DLG2: variants seen among roughly 807,000 people sequenced by gnomAD.
DLG2 encodes disks large homolog 2.
Under a neutral mutation model 132.5 loss-of-function variants are expected in DLG2, and 45 were observed. That is an observed-to-expected ratio of 0.34 (90% CI 0.27 to 0.44). The LOEUF is 0.44. Ranked by LOEUF, DLG2 falls within the 20% of genes least tolerant of loss-of-function variation. The pLI, the probability that DLG2 is intolerant of heterozygous loss-of-function variation, is 1.00. For missense variants in DLG2, 1,045 were observed against 1,196.9 expected (o/e 0.87, Z 1.87); for synonymous variants, 424 against 419.6 (o/e 1.01, Z -0.13).
At chr11:83,660,923 C>T (rs1380956562) in intron 18 of DLG2, among the ~76,000 whole-genome samples, 1 of 152,124 alleles carries the variant, frequency 6.6e-6, no homozygotes, top group African/African-American at 2.4e-5. Context: ...ATATCCACAA[C>T]CCTATATCAA....
At chr11:83,480,173 C>G (rs1014323140) in intron 22 of DLG2, among the ~76,000 whole-genome samples, 1 of 152,066 alleles carries the variant, frequency 6.6e-6, no homozygotes, top group African/African-American at 2.4e-5. Flanking sequence ...ACTACTTGCA[C>G]AAATCACATA....
chr11:83,797,630 T>C (rs1487337769), intron 17 of DLG2, among the ~76,000 whole-genome samples: 3 of 152,126 alleles, frequency 2.0e-5, no homozygotes, highest in Non-Finnish European at 4.4e-5. Flanking sequence ...GCCATTCTCC[T>C]GCCTCAGCCT....
At chr11:84,955,093 C>G (rs902169170) in intron 6 of DLG2, among the ~76,000 whole-genome samples, 1 of 152,132 alleles carries the variant, frequency 6.6e-6, no homozygotes, top group African/African-American at 2.4e-5. Context: ...AAACAAATGG[C>G]AAGCTAGATT....
intron 6 of DLG2, among the ~76,000 whole-genome samples, chr11:84,657,071 A>G (rs1940088): frequency 0.25 from 38,026 of 152,028 alleles, 5,277 homozygotes; most frequent in East Asian, 0.47. Context: ...AAGGATTAAG[A>G]ATCTTTCCTA....
chr11:84,724,134 T>C (rs572598758), intron 6 of DLG2, among the ~76,000 whole-genome samples: 58 of 152,268 alleles, frequency 3.8e-4, no homozygotes, highest in African/African-American at 1.1e-3. Context: ...TGCTGTTTCC[T>C]ACTCTCTGCC....
intron 16 of DLG2, among the ~76,000 whole-genome samples, chr11:83,845,103 A>G (rs758159144): frequency 3.6e-4 from 55 of 152,186 alleles, no homozygotes; most frequent in Middle Eastern, 6.8e-3. Context: ...ATCTAGTATA[A>G]CGACAACCCA....
chr11:84,831,620 C>G (rs1241260249), intron 6 of DLG2, among the ~76,000 whole-genome samples: 2 of 151,546 alleles, frequency 1.3e-5, no homozygotes, highest in Non-Finnish European at 3.0e-5. Context: ...TCTCCCTACC[C>G]CTGAATTAGG....
chr11:85,486,743 C>T (rs1388959321), intron 3 of DLG2, among the ~76,000 whole-genome samples: 1 of 152,076 alleles, frequency 6.6e-6, no homozygotes, highest in Non-Finnish European at 1.5e-5. Flanking sequence ...TGCCATCACC[C>T]TTATCACACC....
chr11:85,466,716 T>A (rs2092803749), intron 3 of DLG2, among the ~76,000 whole-genome samples: 1 of 152,222 alleles, frequency 6.6e-6, no homozygotes, highest in South Asian at 2.1e-4. Context: ...ACTATAGCCT[T>A]GTAGTATAGT....
At chr11:84,230,773 C>T (rs571106692) in intron 8 of DLG2, among the ~76,000 whole-genome samples, 1 of 151,934 alleles carries the variant, frequency 6.6e-6, no homozygotes, top group Non-Finnish European at 1.5e-5. Context: ...AACAGTGAGA[C>T]GAACAGGAAA....
chr11:85,311,169 C>T (rs920012729), intron 3 of DLG2, among the ~76,000 whole-genome samples: 21 of 152,050 alleles, frequency 1.4e-4, no homozygotes, highest in African/African-American at 5.1e-4. Context: ...GCTATTTGGC[C>T]CGTTACAGAA....
chr11:85,591,386 A>C (rs1380630722), intron 3 of DLG2, among the ~76,000 whole-genome samples: 1 of 152,064 alleles, frequency 6.6e-6, no homozygotes, highest in Non-Finnish European at 1.5e-5. Context: ...CCATTTCCTC[A>C]CTCTCCTTTG....
intron 6 of DLG2, among the ~76,000 whole-genome samples, chr11:85,100,159 A>G (rs1003371888): frequency 4.6e-5 from 7 of 152,138 alleles, no homozygotes; most frequent in African/African-American, 1.7e-4. Flanking sequence ...ATCTTACACT[A>G]TCTGAGGTAA....
At chr11:84,977,022 A>G (rs2055003427) in intron 6 of DLG2, among the ~76,000 whole-genome samples, 2 of 152,096 alleles carry the variant, frequency 1.3e-5, no homozygotes, top group South Asian at 4.1e-4. Flanking sequence ...AGAATATGCT[A>G]TTGCTTGCTT....
At chr11:85,313,553 CA>C (rs1399705259) in intron 3 of DLG2, among the ~76,000 whole-genome samples, 1 of 151,906 alleles carries the variant, frequency 6.6e-6, no homozygotes, top group East Asian at 1.9e-4. Context: ...AGTCTATATC[CA>C]ATAGTCAAAG....
At chr11:85,005,955 G>C (rs1006294404) in intron 6 of DLG2, among the ~76,000 whole-genome samples, 1 of 152,106 alleles carries the variant, frequency 6.6e-6, no homozygotes, top group African/African-American at 2.4e-5. Flanking sequence ...TTTTATCGAA[G>C]GCCTTTTCTG....
chr11:84,197,207 T>A (rs1167150044), intron 8 of DLG2, among the ~76,000 whole-genome samples: 1 of 152,080 alleles, frequency 6.6e-6, no homozygotes, highest in Non-Finnish European at 1.5e-5. Context: ...AAGTGAAGGT[T>A]GATTTCCAAA....
intron 18 of DLG2, chr11:83,724,755 A>G: frequency 4.5e-6 from 3 of 670,194 alleles, no homozygotes; most frequent in Non-Finnish European, 8.2e-6. Flanking sequence ...TAGGAAGGAA[A>G]GGGAGGAGAA....
At chr11:84,757,845 G>A (rs138445053) in intron 6 of DLG2, among the ~76,000 whole-genome samples, 162 of 152,210 alleles carry the variant, frequency 1.1e-3, no homozygotes, top group South Asian at 1.9e-3. Context: ...AGTCTATCCC[G>A]TGCAGCCTGG....
Sources: allele counts gnomAD v4.1 joint callset (sites outside exome capture counted in the v4.1 genomes callset), GRCh38; gene constraint gnomAD v4.1.1; transcripts MANE v1.5; gene names NCBI Gene and HGNC (gene_info 2026-07-23, HGNC 2026-07-21).